Variants in NMNAT3 observed in about 807,000 individuals in gnomAD.
The protein encoded by NMNAT3 is nicotinamide nucleotide adenylyltransferase 3, also known as nicotinamide/nicotinic acid mononucleotide adenylyltransferase 3.
NMNAT3 carries 21 observed loss-of-function variants against 24.8 expected under a neutral mutation model. The observed-to-expected ratio is 0.85, with a 90% CI of 0.60 to 1.22. NMNAT3 has a LOEUF of 1.22. Ranked by LOEUF, NMNAT3 falls within the 50% of genes most tolerant of loss-of-function variation. The pLI is 0.00. For synonymous variants in NMNAT3, 136 were observed against 155.2 expected (o/e 0.88, Z 0.92); for missense variants, 387 against 436.6 (o/e 0.89, Z 1.01).
At chr3:139,594,887 T>G (rs1220123864) in intron 3 of NMNAT3, among the ~76,000 whole-genome samples, 1 of 152,204 alleles carries the variant, frequency 6.6e-6, no homozygotes, top group Non-Finnish European at 1.5e-5. Flanking sequence ...AAGCATTTCC[T>G]TTGAAAACGG....
At chr3:139,654,442 A>G (rs897041200) in intron 1 of NMNAT3, among the ~76,000 whole-genome samples, 4 of 152,246 alleles carry the variant, frequency 2.6e-5, no homozygotes, top group Admixed American at 1.3e-4. Flanking sequence ...CAACTGATTC[A>G]TTAATGAAAC....
At chr3:139,618,212 G>T (rs2055598352) in intron 3 of NMNAT3, among the ~76,000 whole-genome samples, 1 of 152,128 alleles carries the variant, frequency 6.6e-6, no homozygotes, top group Non-Finnish European at 1.5e-5. Flanking sequence ...AAACAGCTGG[G>T]TTCAACATTT....
chr3:139,660,488 T>A (rs575816181), intron 1 of NMNAT3, among the ~76,000 whole-genome samples: 1 of 152,214 alleles, frequency 6.6e-6, no homozygotes. Flanking sequence ...ATTGATCTTA[T>A]ACAATTCATT....
intron 3 of NMNAT3, among the ~76,000 whole-genome samples, chr3:139,593,574 C>A (rs564406660): frequency 6.6e-6 from 1 of 152,146 alleles, no homozygotes; most frequent in Admixed American, 6.5e-5. Context: ...AAGCACTCCT[C>A]AGCAAATGTA....
At chr3:139,652,822 T>C (rs1027827074) in intron 1 of NMNAT3, among the ~76,000 whole-genome samples, 4 of 152,166 alleles carry the variant, frequency 2.6e-5, no homozygotes, top group Non-Finnish European at 5.9e-5. Context: ...AAGCTGGGAA[T>C]CACCACAGAA....
intron 3 of NMNAT3, among the ~76,000 whole-genome samples, chr3:139,588,659 G>A (rs1301331180): frequency 2.0e-5 from 3 of 152,054 alleles, no homozygotes; most frequent in Non-Finnish European, 4.4e-5. Context: ...AAAACAGGAG[G>A]GCCAGTTGAG....
At chr3:139,611,710 T>TG (rs201820212) in intron 3 of NMNAT3, among the ~76,000 whole-genome samples, 245 of 152,054 alleles carry the variant, frequency 1.6e-3, no homozygotes, top group African/African-American at 5.6e-3. Flanking sequence ...CAGGGCTGGG[T>TG]GGGGGGCTTT....
intron 6 of NMNAT3, among the ~76,000 whole-genome samples, chr3:139,571,702 G>A (rs1938381846): frequency 6.6e-6 from 1 of 152,136 alleles, no homozygotes; most frequent in African/African-American, 2.4e-5. Flanking sequence ...AATGAGAGCA[G>A]CTGGGGCTGG....
intron 1 of NMNAT3, among the ~76,000 whole-genome samples, chr3:139,662,317 C>T (rs980544610): frequency 6.6e-6 from 1 of 152,028 alleles, no homozygotes; most frequent in Non-Finnish European, 1.5e-5. Flanking sequence ...GCTGTTTGAC[C>T]CATCAGTCAA....
rs185315766 is a variant in NMNAT3 at position 139,654,145 on chromosome 3, G to C, written c.-140-16083C>G. ...CTCCCCTTTACTTCCCTGTGGATAG[G>C]AGCATGAGAGGTACCTGATTAGCTG... On this transcript the variant is annotated intron_variant, in intron 1 of 6. Coordinates refer to ENST00000643695, the MANE Select transcript of NMNAT3 (RefSeq NM_001320510.2). Among the ~76,000 whole-genome samples the C allele has an allele frequency of 9.8e-5, 15 of 152,320 alleles. No homozygotes were observed. In the East Asian group the frequency reaches 2.7e-3, roughly 27 times the overall value.
intron 3 of NMNAT3, among the ~76,000 whole-genome samples, chr3:139,625,974 T>C (rs1397680057): frequency 1.3e-5 from 2 of 152,206 alleles, no homozygotes; most frequent in Admixed American, 6.5e-5. Context: ...ACAATGCTAT[T>C]ACACTAAATT....
intron 1 of NMNAT3, among the ~76,000 whole-genome samples, chr3:139,670,103 G>T (rs7634662): frequency 0.1 from 15,421 of 152,166 alleles, 1,296 homozygotes; most frequent in African/African-American, 0.23. Context: ...TATACTTAAT[G>T]CAGTCTTCAA....
At chr3:139,635,157 A>G (rs1165581035) in intron 2 of NMNAT3, 6 of 152,126 alleles carry the variant, frequency 3.9e-5, no homozygotes, top group Non-Finnish European at 8.8e-5. Flanking sequence ...TCCCTATACC[A>G]GCTTCCAGGA....
chr3:139,616,443 G>T (rs1030302277), intron 3 of NMNAT3, among the ~76,000 whole-genome samples: 9 of 152,076 alleles, frequency 5.9e-5, no homozygotes, highest in African/African-American at 1.9e-4. Flanking sequence ...CTCTCTCTGT[G>T]ATCTCATTTA....
chr3:139,655,082 G>C (rs763319225), intron 1 of NMNAT3, among the ~76,000 whole-genome samples: 1 of 152,216 alleles, frequency 6.6e-6, no homozygotes, highest in Non-Finnish European at 1.5e-5. Context: ...ATGACTACGA[G>C]TTAGGCAGGT....
At chr3:139,598,050 T>C (rs928890086) in intron 3 of NMNAT3, among the ~76,000 whole-genome samples, 7 of 152,262 alleles carry the variant, frequency 4.6e-5, no homozygotes, top group African/African-American at 1.7e-4. Flanking sequence ...AAAGTGTGGA[T>C]ACTATTTTAA....
chr3:139,616,627 T>C (rs1258306386), intron 3 of NMNAT3, among the ~76,000 whole-genome samples: 6 of 152,166 alleles, frequency 3.9e-5, no homozygotes, highest in Non-Finnish European at 8.8e-5. Context: ...TCTCTCTTCC[T>C]CACATTCAAT....
chr3:139,632,709 A>G (rs2056347414), intron 2 of NMNAT3, among the ~76,000 whole-genome samples: 1 of 152,220 alleles, frequency 6.6e-6, no homozygotes, highest in Admixed American at 6.5e-5. Context: ...CCAGTCATCT[A>G]TGGGAAGGAC....
At chr3:139,615,464 C>T (rs11718536) in intron 3 of NMNAT3, among the ~76,000 whole-genome samples, 12,318 of 106,324 alleles carry the variant, frequency 0.12, 545 homozygotes, top group South Asian at 0.17. Flanking sequence ...TCTATCTATC[C>T]ATCCACCCAC....
Sources: gnomAD v4.1 joint callset for allele counts (sites outside exome capture counted in the v4.1 genomes callset) on GRCh38, gnomAD v4.1.1 for gene constraint, MANE v1.5 for transcripts, NCBI Gene and HGNC (gene_info 2026-07-23, HGNC 2026-07-21) for gene names.